GOSR1: variants seen among roughly 807,000 people sequenced by gnomAD.
GOSR1 encodes the protein golgi SNAP receptor complex member 1, also known as 28 kDa Golgi SNARE protein.
GOSR1 carries 21 observed loss-of-function variants against 35.5 expected under a neutral mutation model. The ratio of observed to expected loss-of-function variants is 0.59; its 90% confidence interval spans 0.42 to 0.85. GOSR1 has a LOEUF of 0.85. Among genes scored for constraint, GOSR1 ranks in the 40% least tolerant of loss-of-function variants. The probability of loss-of-function intolerance (pLI) is 0.00; values close to 1 mark genes in which losing one functional copy is unlikely to be tolerated. For missense variants in GOSR1, 285 were observed against 309.6 expected (o/e 0.92, Z 0.60); for synonymous variants, 94 against 106.6 (o/e 0.88, Z 0.73).
intron 6 of GOSR1, among the ~76,000 whole-genome samples, chr17:30,497,009 TAG>T (rs1299297725): frequency 2.0e-5 from 3 of 152,244 alleles, no homozygotes; most frequent in Non-Finnish European, 4.4e-5. Context: ...GGCAGAGTTT[TAG>T]AGTAGTCATG....
Position 30,523,172 on chromosome 17 carries a change from AG to A in GOSR1, c.*795del, listed in dbSNP as rs1275599220. The A allele has an allele frequency of 5.2e-6, 1 of 192,670 alleles. No individual in the cohort carries two copies. Among genetic ancestry groups the A allele is most frequent in the Non-Finnish European group, 1.1e-5 (1 of 93,890 alleles). 11.9% of individuals were successfully genotyped at this position (192,670 alleles called of 1,614,324 possible). A position where few individuals can be genotyped will look rare whatever the true frequency, so the allele number is the denominator to read the frequency against. On this transcript the variant is annotated 3_prime_UTR_variant, in exon 9 of 9. Coordinates refer to ENST00000451249, the MANE Select transcript of GOSR1 (RefSeq NM_001007025.2). ...CCGCCACCCCGTCTGGAAAGTGAGG[AG>A]CGCCTCTGCCCGGCCGCCATCCCAT...
intron 6 of GOSR1, among the ~76,000 whole-genome samples, chr17:30,507,627 G>A (rs1262227725): frequency 1.3e-5 from 2 of 151,966 alleles, no homozygotes; most frequent in Middle Eastern, 3.4e-3. Context: ...GGAGGTTGAG[G>A]CAGAAGAATC....
In GOSR1 at chr17:30,481,197, C is replaced by T. The variant is rs1321800002; in HGVS notation, c.86C>T (p.Ser29Phe). 1.9e-6 allele frequency: 3 copies of T among 1,595,978 alleles called. No individual in the cohort carries two copies. Among genetic ancestry groups the T allele is most frequent in the Non-Finnish European group, 2.6e-6 (3 of 1,163,540 alleles). The part of the protein sequence containing the change: ...LENELDLKLV[S>F]FSKLCTSYSH... ...AATGAACTTGACCTGAAACTAGTTTCCTTCAGCAAACTATGTACAAGTTAC... is the reference window on the plus strand; with the variant it reads ...AATGAACTTGACCTGAAACTAGTTTTCTTCAGCAAACTATGTACAAGTTAC... The change falls in exon 2 of 9, where the codon TCC (serine) becomes TTC (phenylalanine). Residue 29 changes from serine (S) to phenylalanine (F), a missense_variant. Around this residue, in one of 3 missense-constraint regions of GOSR1, gnomAD observed 108 missense variants for 98.9 expected, o/e 1.09. Coordinates refer to ENST00000451249, the MANE Select transcript of GOSR1 (RefSeq NM_001007025.2).
At chr17:30,481,678 A>G (rs1279059862) in intron 2 of GOSR1, among the ~76,000 whole-genome samples, 3 of 152,228 alleles carry the variant, frequency 2.0e-5, no homozygotes, top group Admixed American at 2.0e-4. Flanking sequence ...ATTAGAGGGT[A>G]TCTAATGCAC....
In GOSR1 at chr17:30,484,245, A is replaced by G. The variant is rs1218493966; in HGVS notation, c.178A>G (p.Ser60Gly). 6.2e-7 allele frequency: 1 copy of G among 1,611,554 alleles called. No individual in the cohort carries two copies. Among genetic ancestry groups the G allele is most frequent in the East Asian group, 2.2e-5 (1 of 44,802 alleles). ...TACAACACCCCTTTTAAATGGATCA[A>G]GCCAAGACAGAATGTTTGAGACAAT... ...SDTTPLLNGS[S>G]QDRMFETMAI... The change falls in exon 3 of 9, where the codon AGC (serine) becomes GGC (glycine). Residue 60 changes from serine to glycine, a missense_variant. By Grantham distance (56) the Ser-to-Gly change is moderately conservative (BLOSUM62 0). Around this residue, in one of 3 missense-constraint regions of GOSR1, gnomAD observed 108 missense variants for 98.9 expected, o/e 1.09. Transcript: ENST00000451249.
chr17:30,496,492 T>TA (rs1460582196), intron 6 of GOSR1, among the ~76,000 whole-genome samples: 2 of 152,210 alleles, frequency 1.3e-5, no homozygotes, highest in African/African-American at 4.8e-5. Context: ...ATACCTTTCT[T>TA]ACTTCTCTTT....
rs1968197515 is a variant in GOSR1, at chr17:30,527,259, G to A, written c.*4881G>A. 1.3e-5 allele frequency: 2 copies of A among 152,188 alleles called. No individual in the cohort carries two copies. Among genetic ancestry groups the A allele is most frequent in the Non-Finnish European group, 2.9e-5 (2 of 68,072 alleles). The allele number at this position is 152,188 out of a possible 1,614,324, so 9.4% of individuals were successfully genotyped here. A position where few individuals can be genotyped will look rare whatever the true frequency, so the allele number is the denominator to read the frequency against. On this transcript the variant is annotated 3_prime_UTR_variant, in exon 9 of 9. Coordinates refer to ENST00000451249, the MANE Select transcript of GOSR1 (RefSeq NM_001007025.2). Reference sequence around the variant, plus strand: ...TAGTCCCAGCTACTCGGAAGGCTGAGGTAGGAGGATCATGAGCCCAGGAGG... The same window carrying A: ...TAGTCCCAGCTACTCGGAAGGCTGAAGTAGGAGGATCATGAGCCCAGGAGG...
chr17:30,487,832 A>G (rs577785981), intron 4 of GOSR1, among the ~76,000 whole-genome samples: 55 of 152,034 alleles, frequency 3.6e-4, no homozygotes, highest in African/African-American at 1.3e-3. Flanking sequence ...TTGGAGTGCA[A>G]TGGTGCGATC....
At chr17:30,511,030 C>A (rs935980971) in intron 7 of GOSR1, 121 bp downstream of exon 7, 2 of 585,946 alleles carry the variant, frequency 3.4e-6, no homozygotes, top group East Asian at 5.9e-5. Context: ...GATCAAAGTT[C>A]GTTTATCCTC....
At chr17:30,486,081 G>A (rs879910934) in intron 4 of GOSR1, among the ~76,000 whole-genome samples, 9 of 151,290 alleles carry the variant, frequency 5.9e-5, no homozygotes, top group Non-Finnish European at 7.4e-5. Context: ...ATGTATTATC[G>A]GGTTAAAAGC....
At chr17:30,489,150 A>G (rs975630167) in intron 4 of GOSR1, among the ~76,000 whole-genome samples, 3 of 152,154 alleles carry the variant, frequency 2.0e-5, no homozygotes, top group African/African-American at 7.2e-5. Context: ...TTGGGAGGCC[A>G]GTGTGGGTGG....
chr17:30,477,742 G>A (rs1303374166), intron 1 of GOSR1: 1 of 985,214 alleles, frequency 1.0e-6, no homozygotes, highest in Non-Finnish European at 1.2e-6. Flanking sequence ...AATCGCCTGG[G>A]TAGAATTGTG....
At chr17:30,483,754 G>C (rs1164084296) in intron 2 of GOSR1, among the ~76,000 whole-genome samples, 2 of 152,208 alleles carry the variant, frequency 1.3e-5, no homozygotes, top group African/African-American at 4.8e-5. Context: ...TTTAGAATTT[G>C]AATCTGTCAA....
At chr17:30,485,089 G>A (rs1446148663) in intron 4 of GOSR1, 3 of 387,492 alleles carry the variant, frequency 7.7e-6, no homozygotes, top group Admixed American at 3.6e-5. Flanking sequence ...AGACAATAAC[G>A]TGGTGGGTAA....
Position 30,477,437 on chromosome 17 carries a change from G to T in GOSR1, c.4G>T (p.Ala2Ser). Reference protein sequence around the residue: MAAGTSSYWEDL... With the variant: MSAGTSSYWEDL... ...CGGCTGACGTTGGACGACAAAGATG[G>T]CGGCAGGGACCAGCAGTTACTGGGA... Residue 2 changes from alanine to serine, a missense_variant, in exon 1 of 9, where the codon GCG becomes TCG. Transcript: ENST00000451249. 1 of 1,609,902 alleles carries T rather than the reference G, an allele frequency of 6.2e-7. No homozygotes were observed. Among genetic ancestry groups the T allele is most frequent in the Non-Finnish European group, 8.5e-7 (1 of 1,177,668 alleles).
intron 1 of GOSR1, 165 bp downstream of exon 1, chr17:30,477,629 C>T (rs1914026531): frequency 1.4e-6 from 2 of 1,386,636 alleles, no homozygotes; most frequent in South Asian, 1.7e-5. Context: ...GGATACCGAA[C>T]GGTCTGGGGT....
At chr17:30,495,787 G>A (rs1334194594) in intron 6 of GOSR1, among the ~76,000 whole-genome samples, 1 of 152,164 alleles carries the variant, frequency 6.6e-6, no homozygotes, top group African/African-American at 2.4e-5. Flanking sequence ...GCTGTACCCT[G>A]GCAAAATGCC....
chr17:30,478,246 G>A (rs1184087815), intron 1 of GOSR1, among the ~76,000 whole-genome samples: 1 of 152,218 alleles, frequency 6.6e-6, no homozygotes, highest in African/African-American at 2.4e-5. Flanking sequence ...AACAAGAGCA[G>A]AGAAAGCTCA....
intron 6 of GOSR1, among the ~76,000 whole-genome samples, chr17:30,502,738 A>G (rs1350709160): frequency 6.6e-6 from 1 of 152,240 alleles, no homozygotes; most frequent in Non-Finnish European, 1.5e-5. Context: ...AATGGAAGAG[A>G]GGTTACAGCT....
Sources: allele counts gnomAD v4.1 joint callset (sites outside exome capture counted in the v4.1 genomes callset), GRCh38; gene constraint gnomAD v4.1.1; regional missense constraint gnomAD v4.1.1; transcripts MANE v1.5; gene names NCBI Gene and HGNC (gene_info 2026-07-23, HGNC 2026-07-21).